The following CDIP1 variants were observed in gnomAD, a reference collection of about 807,000 sequenced individuals.
CDIP1 encodes cell death inducing p53 target 1, also known as cell death-inducing p53-target protein 1.
Under a neutral mutation model 17.7 loss-of-function variants are expected in CDIP1, and 9 were observed. That is an observed-to-expected ratio of 0.51 (90% CI 0.31 to 0.89). The LOEUF is 0.89. CDIP1 is among the 40% of genes least tolerant of loss of function. The probability of loss-of-function intolerance (pLI) is 0.05; values close to 1 mark genes in which losing one functional copy is unlikely to be tolerated. For missense variants in CDIP1, 263 were observed against 277.9 expected (o/e 0.95, Z 0.38); for synonymous variants, 117 against 109.5 (o/e 1.07, Z -0.43).
intron 1 of CDIP1, among the ~76,000 whole-genome samples, chr16:4,519,029 T>G (rs1000690968): frequency 2.0e-5 from 3 of 152,206 alleles, no homozygotes; most frequent in Non-Finnish European, 4.4e-5. Flanking sequence ...CTTCTTGGCC[T>G]TCTTGCTTTA....
At position 4,514,131 on chromosome 16, in the gene CDIP1, C is replaced by G. The variant is rs746271894; in HGVS notation, c.-1G>C. ...AAGGAGGGGGAGGCTCGCTGGACATCTTCGCTGCTTCTCCTGGACATGGAG... is the reference window on the plus strand; with the variant it reads ...AAGGAGGGGGAGGCTCGCTGGACATGTTCGCTGCTTCTCCTGGACATGGAG... On this transcript the variant is annotated 5_prime_UTR_variant, in exon 3 of 6. Transcript: ENST00000567695. This position sits in a 1 kb window ranked among gnomAD's most constrained non-coding sequence, Gnocchi z 5.2. 2 of 1,537,022 alleles carry G rather than the reference C, an allele frequency of 1.3e-6. No individual in the cohort carries two copies. Among genetic ancestry groups the G allele is most frequent in the Non-Finnish European group, 1.7e-6 (2 of 1,149,948 alleles).
chr16:4,513,561 C>G lies in CDIP1; in HGVS notation c.241+135G>C, dbSNP rs1369399106. The G allele has an allele frequency of 3.3e-5, 25 of 755,418 alleles. No homozygotes were observed. The East Asian group carries it at 6.2e-4, about 19-fold the overall frequency. 46.8% of individuals were successfully genotyped at this position (755,418 alleles called of 1,614,324 possible). A position where few individuals can be genotyped will look rare whatever the true frequency, so the allele number is the denominator to read the frequency against. ...GTCCCTGTCCACACACAGCCTGAGC[C>G]CTAGGCAAGGGCTGGTTGGGCGTGT... On this transcript the variant is annotated intron_variant, in intron 4 of 5. Transcript: ENST00000567695. The surrounding 1 kb of genome is among the most constrained non-coding windows in gnomAD (Gnocchi z 4.1).
chr16:4,517,737 T>C (rs2058902581), intron 1 of CDIP1, among the ~76,000 whole-genome samples: 1 of 124,614 alleles, frequency 8.0e-6, no homozygotes, highest in East Asian at 2.5e-4. Context: ...CGAGACCCTG[T>C]CTCAAAAAAC....
chr16:4,535,023 G>A (rs2059093832), intron 1 of CDIP1, among the ~76,000 whole-genome samples: 1 of 152,256 alleles, frequency 6.6e-6, no homozygotes, highest in African/African-American at 2.4e-5. Context: ...CGGCCTGCAT[G>A]TTAATCAGAA....
At position 4,513,222 on chromosome 16, in the gene CDIP1, C is replaced by T. The variant is rs879671558; in HGVS notation, c.242-158G>A. On this transcript the variant is annotated intron_variant, in intron 4 of 5. Coordinates refer to ENST00000567695, the MANE Select transcript of CDIP1 (RefSeq NM_013399.3). This position sits in a 1 kb window ranked among gnomAD's most constrained non-coding sequence, Gnocchi z 4.1. ...CCTAACGGGCCAGTGGGAGGCCTTA[C>T]AGCTGGGGCCCTAAGTCAAGTGGGG... 3.3e-5 allele frequency among the ~76,000 whole-genome samples: 5 copies of T among 152,228 alleles called. No homozygotes were observed. The highest frequency in any genetic ancestry group is 5.9e-5 in the Non-Finnish European group (4 of 68,034).
At chr16:4,536,721 G>A (rs1438720545) in intron 1 of CDIP1, 1 of 145,970 alleles carries the variant, frequency 6.9e-6, no homozygotes, top group South Asian at 2.2e-4. Flanking sequence ...AGGATCACTT[G>A]AGCCCAGGAG....
intron 1 of CDIP1, among the ~76,000 whole-genome samples, chr16:4,530,440 G>A (rs2059043690): frequency 6.6e-6 from 1 of 151,400 alleles, no homozygotes; most frequent in African/African-American, 2.4e-5. Context: ...ACTTGAGGTC[G>A]GGAGTTCGAA....
At chr16:4,528,271 G>A (rs141899523) in intron 1 of CDIP1, among the ~76,000 whole-genome samples, 110 of 152,236 alleles carry the variant, frequency 7.2e-4, no homozygotes, top group African/African-American at 2.3e-3. Flanking sequence ...GGAGAACAGC[G>A]TCCTGATATA....
intron 1 of CDIP1, among the ~76,000 whole-genome samples, chr16:4,526,052 G>C (rs1025646009): frequency 2.0e-5 from 3 of 152,140 alleles, no homozygotes; most frequent in Admixed American, 2.0e-4. Flanking sequence ...CCATCTGCCA[G>C]CTCTCCTCCC....
chr16:4,524,654 C>T (rs533540515), intron 1 of CDIP1, among the ~76,000 whole-genome samples: 4 of 152,324 alleles, frequency 2.6e-5, no homozygotes, highest in African/African-American at 9.6e-5. Context: ...CCATGAGGGC[C>T]TTGGGATGGA....
chr16:4,513,566 G>T lies in CDIP1; in HGVS notation c.241+130C>A. On this transcript the variant is annotated intron_variant, in intron 4 of 5. Transcript: ENST00000567695. The surrounding 1 kb of genome is among the most constrained non-coding windows in gnomAD (Gnocchi z 4.1). Reference sequence around the variant, plus strand: ...TGTCCACACACAGCCTGAGCCCTAGGCAAGGGCTGGTTGGGCGTGTTGGAG... The same window carrying T: ...TGTCCACACACAGCCTGAGCCCTAGTCAAGGGCTGGTTGGGCGTGTTGGAG... 1 of 771,380 alleles carries T rather than the reference G, an allele frequency of 1.3e-6. No homozygotes were observed. The allele number at this position is 771,380 out of a possible 1,614,324, so 47.8% of individuals were successfully genotyped here.
chr16:4,536,733 T>A (rs1466295127), intron 1 of CDIP1: 1 of 128,180 alleles, frequency 7.8e-6, no homozygotes, highest in East Asian at 2.3e-4. Flanking sequence ...GCCCAGGAGT[T>A]AGAGACCAGC....
intron 1 of CDIP1, among the ~76,000 whole-genome samples, chr16:4,519,863 C>G (rs542344105): frequency 5.3e-4 from 80 of 152,212 alleles, no homozygotes; most frequent in African/African-American, 1.7e-3. Context: ...ATGGAAGCAG[C>G]CTGAGGCCCT....
intron 1 of CDIP1, among the ~76,000 whole-genome samples, chr16:4,527,335 C>T (rs754652838): frequency 1.3e-5 from 2 of 152,136 alleles, no homozygotes; most frequent in Non-Finnish European, 2.9e-5. Context: ...GATCCACCTG[C>T]CTCGGCCTCC....
At chr16:4,525,637 T>C (rs1371544544) in intron 1 of CDIP1, among the ~76,000 whole-genome samples, 1 of 152,216 alleles carries the variant, frequency 6.6e-6, no homozygotes, top group African/African-American at 2.4e-5. Flanking sequence ...CTGTGGCCTT[T>C]CGCAGCTGAC....
At chr16:4,530,103 T>G (rs1013686680) in intron 1 of CDIP1, among the ~76,000 whole-genome samples, 13 of 152,340 alleles carry the variant, frequency 8.5e-5, no homozygotes, top group African/African-American at 2.2e-4. Flanking sequence ...CCTGCGACAT[T>G]TAGATCTCTC....
chr16:4,512,745 T>A lies in CDIP1; in HGVS notation c.515+46A>T, dbSNP rs72768338. 6.2e-7 allele frequency: 1 copy of A among 1,602,688 alleles called. No individual in the cohort carries two copies. The highest frequency in any genetic ancestry group is 8.5e-7 in the Non-Finnish European group (1 of 1,172,820). On this transcript the variant is annotated intron_variant, in intron 5 of 5. Coordinates refer to ENST00000567695, the MANE Select transcript of CDIP1 (RefSeq NM_013399.3). The surrounding 1 kb of genome is among the most constrained non-coding windows in gnomAD (Gnocchi z 4.6). ...CTGCGGAGGAGGCAGAGGCAGCCAG[T>A]TGACCCTGGTGCAGCCCCCACCCTA...
At position 4,513,079 on chromosome 16, in the gene CDIP1, A is replaced by G. The variant is rs1249091105; in HGVS notation, c.242-15T>C. The G allele has an allele frequency of 6.4e-7, 1 of 1,574,014 alleles. No individual in the cohort carries two copies. The highest frequency in any genetic ancestry group is 1.8e-5 in the Admixed American group (1 of 54,208). ...AGGGTAGAAACCTGGAATGGCACAG[A>G]AGATGGAGGCGAGAGGTCACTGGCC... On this transcript the variant is annotated splice_polypyrimidine_tract_variant and intron_variant, in intron 4 of 5. Transcript: ENST00000567695. The surrounding 1 kb of genome is among the most constrained non-coding windows in gnomAD (Gnocchi z 4.1).
intron 1 of CDIP1, among the ~76,000 whole-genome samples, chr16:4,529,447 G>A (rs1363151067): frequency 6.6e-6 from 1 of 152,180 alleles, no homozygotes; most frequent in African/African-American, 2.4e-5. Context: ...CAGGCAGAAC[G>A]CTGCTCAAGA....
Sources: allele counts gnomAD v4.1 joint callset (sites outside exome capture counted in the v4.1 genomes callset), GRCh38; gene constraint gnomAD v4.1.1; non-coding constraint Gnocchi (gnomAD v3.1); transcripts MANE v1.5; gene names NCBI Gene and HGNC (gene_info 2026-07-23, HGNC 2026-07-21).